The following KCNIP3 variants were observed in gnomAD, a reference collection of about 807,000 sequenced individuals.
The protein encoded by KCNIP3 is calsenilin.
Under a neutral mutation model 35.0 loss-of-function variants are expected in KCNIP3, and 28 were observed. The observed-to-expected ratio is 0.80, with a 90% CI of 0.59 to 1.10. The LOEUF is 1.10. Among genes scored for constraint, KCNIP3 ranks in the 50% least tolerant of loss-of-function variants. The pLI, the probability that KCNIP3 is intolerant of heterozygous loss-of-function variation, is 0.00. For missense variants in KCNIP3, 295 were observed against 338.4 expected, an observed-to-expected ratio of 0.87 and a Z score of 1.01; for synonymous variants, 134 against 133.8, an observed-to-expected ratio of 1.00 and a Z score of -0.01.
chr2:95,302,806 G>A (rs1035741270), intron 1 of KCNIP3, among the ~76,000 whole-genome samples: 10 of 152,214 alleles, frequency 6.6e-5, no homozygotes, highest in African/African-American at 2.2e-4. Flanking sequence ...ACCTGCCTTC[G>A]ATCTCCTGCC....
rs961351364 is a variant in KCNIP3 at position 95,359,391 on chromosome 2, G to A, written c.182-14905G>A. Among the ~76,000 whole-genome samples the A allele has an allele frequency of 4.6e-5, 7 of 152,212 alleles. 1 individual carries two copies. The highest frequency in any genetic ancestry group is 7.3e-5 in the Non-Finnish European group (5 of 68,038). On this transcript the variant is annotated intron_variant, in intron 2 of 8. Coordinates refer to ENST00000295225, the MANE Select transcript of KCNIP3 (RefSeq NM_013434.5). ...AAAGGGGGTAACTGGTCCCAAGTAC[G>A]TCCAAAACCAACCATGAAGAGCAAC... is the stretch of plus-strand genomic sequence containing the variant.
intron 1 of KCNIP3, among the ~76,000 whole-genome samples, chr2:95,301,018 G>A (rs1400886362): frequency 3.3e-5 from 5 of 152,252 alleles, no homozygotes; most frequent in Non-Finnish European, 7.3e-5. Flanking sequence ...GGGTAGGCAA[G>A]GGACAAGTCC....
chr2:95,344,645 C>T (rs1679302516), intron 2 of KCNIP3, among the ~76,000 whole-genome samples: 2 of 152,214 alleles, frequency 1.3e-5, no homozygotes, highest in Non-Finnish European at 2.9e-5. Context: ...GCCTCAGGAC[C>T]CCCAAGATGG....
At chr2:95,301,964 C>G (rs1678043180) in intron 1 of KCNIP3, among the ~76,000 whole-genome samples, 1 of 152,116 alleles carries the variant, frequency 6.6e-6, no homozygotes, top group African/African-American at 2.4e-5. Context: ...TCATGACAAC[C>G]TCGGCTCCCC....
intron 2 of KCNIP3, among the ~76,000 whole-genome samples, chr2:95,373,938 AG>A (rs1234373481): frequency 6.6e-6 from 1 of 152,224 alleles, no homozygotes; most frequent in Admixed American, 6.5e-5. Flanking sequence ...CTGAAGTTCA[AG>A]TGTCCCTCAT....
chr2:95,359,850 G>A (rs941455512), intron 2 of KCNIP3, among the ~76,000 whole-genome samples: 1 of 152,226 alleles, frequency 6.6e-6, no homozygotes, highest in African/African-American at 2.4e-5. Context: ...GGGCAGCCAA[G>A]GAGCACTGTG....
Position 95,375,226 on chromosome 2 carries a change from C to T in KCNIP3, c.447+18C>T, listed in dbSNP as rs758484387. On this transcript the variant is annotated intron_variant, in intron 5 of 8. Transcript: ENST00000295225. ...ACTTTGAGGTAGGTCCTCGCGGATT[C>T]CTCCCACGTGTCCTGCCCCTGTGGT... 2 of 1,611,186 alleles carry T rather than the reference C, an allele frequency of 1.2e-6. No individual in the cohort carries two copies. Among genetic ancestry groups the T allele is most frequent in the Admixed American group, 1.7e-5 (1 of 60,024 alleles).
At chr2:95,297,476 C>T (rs745545838) in intron 1 of KCNIP3, 23 bp downstream of exon 1, 2 of 592,734 alleles carry the variant, frequency 3.4e-6, no homozygotes, top group Non-Finnish European at 2.5e-6. Context: ...GGAATGGGGT[C>T]TTGCTCTGGA....
At chr2:95,367,824 C>T (rs1227067454) in intron 2 of KCNIP3, among the ~76,000 whole-genome samples, 2 of 149,048 alleles carry the variant, frequency 1.3e-5, no homozygotes, top group African/African-American at 2.5e-5. Flanking sequence ...TGCAATGGCA[C>T]GATCTCAGCT....
Position 95,382,492 on chromosome 2 carries a change from G to C in KCNIP3, c.660+11G>C, listed in dbSNP as rs369980756. 3.2e-6 allele frequency: 5 copies of C among 1,580,228 alleles called. No individual in the cohort carries two copies. The highest frequency in any genetic ancestry group is 4.3e-6 in the Non-Finnish European group (5 of 1,161,430). The stretch of plus-strand genomic sequence containing the variant: ...GAGAGGTTCTTCGAGGTGAGCGAGC[G>C]CCAGCCCTGCCTAGGGAGGGGAGCC... On this transcript the variant is annotated intron_variant, in intron 7 of 8. Coordinates refer to ENST00000295225, the MANE Select transcript of KCNIP3 (RefSeq NM_013434.5). This position sits in a 1 kb window ranked among gnomAD's most constrained non-coding sequence, Gnocchi z 4.5.
chr2:95,319,204 A>G (rs1466142048), intron 2 of KCNIP3, among the ~76,000 whole-genome samples: 1 of 152,258 alleles, frequency 6.6e-6, no homozygotes, highest in Non-Finnish European at 1.5e-5. Context: ...CAGAGTCTGC[A>G]GGAGGAAGGC....
intron 2 of KCNIP3, among the ~76,000 whole-genome samples, chr2:95,317,640 A>G (rs1327252656): frequency 1.3e-5 from 2 of 152,282 alleles, no homozygotes; most frequent in Non-Finnish European, 1.5e-5. Context: ...AGCTGAGACC[A>G]AGAGGAGAGA....
At chr2:95,374,802 G>T (rs1178921691) in intron 3 of KCNIP3, 46 bp from the exon 4 acceptor site, 2 of 1,597,810 alleles carry the variant, frequency 1.3e-6, no homozygotes, top group South Asian at 2.2e-5. Flanking sequence ...AGTCGGGCTT[G>T]GAGCTGGGGG....
At chr2:95,369,507 G>T (rs1390019854) in intron 2 of KCNIP3, among the ~76,000 whole-genome samples, 1 of 152,138 alleles carries the variant, frequency 6.6e-6, no homozygotes, top group African/African-American at 2.4e-5. Flanking sequence ...GAATTTGTGT[G>T]TGAAGACTTG....
rs766498644 is a variant in KCNIP3, at chr2:95,349,097, G to A, written c.182-25199G>A. ...TTCTCTCACTCAGACACCCCCCCCC[G>A]CCCCCCGTCAGAGGGAGGGCGTCGT... On this transcript the variant is annotated intron_variant, in intron 2 of 8. Transcript: ENST00000295225. 4.4e-3 allele frequency among the ~76,000 whole-genome samples: 659 copies of A among 148,752 alleles called. 3 individuals are homozygous for A. Among genetic ancestry groups the A allele is most frequent in the South Asian group, 0.017 (80 of 4,644 alleles).
intron 2 of KCNIP3, among the ~76,000 whole-genome samples, chr2:95,356,609 G>A (rs986507084): frequency 1.5e-4 from 23 of 152,126 alleles, no homozygotes; most frequent in Admixed American, 3.3e-4. Context: ...ATAGGGAATC[G>A]TTTCCCCATT....
intron 2 of KCNIP3, among the ~76,000 whole-genome samples, chr2:95,333,646 G>A (rs1038832632): frequency 5.9e-5 from 9 of 152,222 alleles, no homozygotes; most frequent in African/African-American, 2.2e-4. Flanking sequence ...TAGGAGCATG[G>A]TGAGGATTCA....
chr2:95,298,489 C>G (rs1293429660), intron 1 of KCNIP3, among the ~76,000 whole-genome samples: 2 of 152,160 alleles, frequency 1.3e-5, no homozygotes, highest in African/African-American at 4.8e-5. Context: ...CAAAAGGACC[C>G]AGAGACAATC....
chr2:95,376,969 C>G lies in KCNIP3; in HGVS notation c.447+1761C>G, dbSNP rs1680216046. On this transcript the variant is annotated intron_variant, in intron 5 of 8. Transcript: ENST00000295225. The surrounding 1 kb of genome is among the most constrained non-coding windows in gnomAD (Gnocchi z 4.2). ...TATGGTAAAAGGTAATACCCTCCCT[C>G]CGCTCACCAAAAAGAATAACCAAAA... Among the ~76,000 whole-genome samples, 1 of 152,218 alleles carries G rather than the reference C, an allele frequency of 6.6e-6. No individual in the cohort carries two copies. The highest frequency in any genetic ancestry group is 1.5e-5 in the Non-Finnish European group (1 of 68,034).
Sources: allele counts gnomAD v4.1 joint callset (sites outside exome capture counted in the v4.1 genomes callset), GRCh38; gene constraint gnomAD v4.1.1; non-coding constraint Gnocchi (gnomAD v3.1); transcripts MANE v1.5; gene names NCBI Gene and HGNC (gene_info 2026-07-23, HGNC 2026-07-21).